Variants in CLIP1 observed in about 807,000 individuals in gnomAD.
CLIP1 encodes CAP-Gly domain containing linker protein 1.
CLIP1 carries 66 observed loss-of-function variants against 161.6 expected under a neutral mutation model. The observed-to-expected ratio is 0.41, with a 90% CI of 0.33 to 0.50. CLIP1 has a LOEUF of 0.50. Ranked by LOEUF, CLIP1 falls within the 20% of genes least tolerant of loss-of-function variation. The pLI is 0.27. For missense variants in CLIP1, 1,376 were observed against 1,702.0 expected (o/e 0.81, Z 3.37); for synonymous variants, 598 against 626.2 (o/e 0.96, Z 0.67).
intron 1 of CLIP1, among the ~76,000 whole-genome samples, chr12:122,395,010 A>G (rs1307231539): frequency 1.3e-5 from 2 of 152,216 alleles, no homozygotes; most frequent in African/African-American, 4.8e-5. Flanking sequence ...AGATGGTGAC[A>G]ACTTCTCGAT....
chr12:122,405,644 C>T (rs1359394160), intron 1 of CLIP1, among the ~76,000 whole-genome samples: 1 of 151,460 alleles, frequency 6.6e-6, no homozygotes, highest in Non-Finnish European at 1.5e-5. Context: ...AAAAATTAGC[C>T]AGGTGTGGTG....
At position 122,405,607 on chromosome 12, in the gene CLIP1, G is replaced by T. The variant is rs573938521; in HGVS notation, c.-107+16914C>A. On this transcript the variant is annotated intron_variant, in intron 1 of 25. Coordinates refer to ENST00000620786, the MANE Select transcript of CLIP1 (RefSeq NM_001247997.2). The stretch of plus-strand genomic sequence containing the variant: ...AGTTCAAGACCAGCCTGGCCAACAT[G>T]GCAAAACCCCATCTTTACTAAAATA... Among the ~76,000 whole-genome samples, 20 of 151,924 alleles carry T rather than the reference G, an allele frequency of 1.3e-4. No homozygotes were observed. In the East Asian group the frequency reaches 3.7e-3, roughly 28 times the overall value.
At chr12:122,375,351 CTG>C (rs1366843736) in intron 3 of CLIP1, among the ~76,000 whole-genome samples, 2 of 149,924 alleles carry the variant, frequency 1.3e-5, no homozygotes, top group African/African-American at 2.5e-5. Flanking sequence ...GAGTCTCACT[CTG>C]TTGCCCAGGC....
At chr12:122,387,210 A>G (rs2136917035) in intron 1 of CLIP1, among the ~76,000 whole-genome samples, 2 of 152,164 alleles carry the variant, frequency 1.3e-5, no homozygotes, top group East Asian at 3.9e-4. Context: ...TCATTACTAT[A>G]ATACAGTGGT....
chr12:122,408,371 T>C (rs1382080884), intron 1 of CLIP1, among the ~76,000 whole-genome samples: 2 of 152,088 alleles, frequency 1.3e-5, no homozygotes, highest in Non-Finnish European at 2.9e-5. Context: ...TTTTTTGAGA[T>C]GGAGTCTCAC....
chr12:122,401,997 C>CAA (rs34319226), intron 1 of CLIP1, among the ~76,000 whole-genome samples: 1 of 116,164 alleles, frequency 8.6e-6, no homozygotes, highest in Non-Finnish European at 1.9e-5. Context: ...AACTCCCGCT[C>CAA]AAAAAAAAAA....
chr12:122,389,444 T>C (rs1329491433), intron 1 of CLIP1, among the ~76,000 whole-genome samples: 1 of 152,058 alleles, frequency 6.6e-6, no homozygotes, highest in Non-Finnish European at 1.5e-5. Context: ...CAAAACTATA[T>C]GACAGACATC....
rs921668693 is a variant in CLIP1, at chr12:122,352,923, G to C, written c.1308-137C>G. The stretch of plus-strand genomic sequence containing the variant: ...AATCCCAGCAATTTGGGAGGTGGAG[G>C]CAGGAGGATCGCTTGAGGCCAGGAG... On this transcript the variant is annotated intron_variant, in intron 7 of 25. Coordinates refer to ENST00000620786, the MANE Select transcript of CLIP1 (RefSeq NM_001247997.2). The C allele has an allele frequency of 5.6e-6, 4 of 708,424 alleles. No homozygotes were observed. The Admixed American group carries it at 8.7e-5, about 15-fold the overall frequency. The allele number at this position is 708,424 out of a possible 1,614,324, so 43.9% of individuals were successfully genotyped here.
rs57202144 is a variant in CLIP1, at chr12:122,341,762, CTTTTTTTTTTTTTTT to C, written c.1507-80_1507-66del. On this transcript the variant is annotated intron_variant, in intron 10 of 25. Coordinates refer to ENST00000620786, the MANE Select transcript of CLIP1 (RefSeq NM_001247997.2). Reference sequence around the variant, plus strand: ...AACAAGTCATTGACTATTTTCTTTTCTTTTTTTTTTTTTTTTTTTTTTTTTTTTTTTTTTTTTTGA... The same window carrying C: ...AACAAGTCATTGACTATTTTCTTTTCTTTTTTTTTTTTTTTTTTTTTTTGA... The C allele has an allele frequency of 9.3e-4, 92 of 98,620 alleles. 2 individuals are homozygous for C. Among genetic ancestry groups the C allele is most frequent in the Middle Eastern group, 6.4e-3 (3 of 470 alleles). The allele number at this position is 98,620 out of a possible 1,614,324, so 6.1% of individuals were successfully genotyped here.
intron 5 of CLIP1, chr12:122,360,666 T>C (rs1953733528): frequency 3.9e-6 from 1 of 257,546 alleles, no homozygotes; most frequent in South Asian, 1.2e-4. Context: ...GAAAATAATT[T>C]GACCCCTGTG....
intron 1 of CLIP1, among the ~76,000 whole-genome samples, chr12:122,390,243 T>TATATATACAC (rs201830343): frequency 8.1e-6 from 1 of 122,812 alleles, no homozygotes; most frequent in Middle Eastern, 4.3e-3. Context: ...TACACACACA[T>TATATATACAC]ATATATACAC....
chr12:122,342,785 C>A, intron 10 of CLIP1: 1 of 145,424 alleles, frequency 6.9e-6, no homozygotes, highest in African/African-American at 2.5e-5. Flanking sequence ...GTAATTGTGC[C>A]ATTGTACTCC....
intron 3 of CLIP1, among the ~76,000 whole-genome samples, chr12:122,375,830 CAG>C (rs1954699060): frequency 7.5e-6 from 1 of 133,638 alleles, no homozygotes; most frequent in African/African-American, 2.8e-5. Flanking sequence ...TTTTTTGAAA[CAG>C]GGTCTTGCTG....
At chr12:122,307,721 G>A (rs1183458064) in intron 20 of CLIP1, among the ~76,000 whole-genome samples, 2 of 152,090 alleles carry the variant, frequency 1.3e-5, no homozygotes, top group Non-Finnish European at 2.9e-5. Flanking sequence ...TGAATTAATC[G>A]GTCTTCATTA....
rs1467540659 is a variant in CLIP1 at position 122,328,436 on chromosome 12, G to A, written c.2868-10C>T. 4 of 1,544,350 alleles carry A rather than the reference G, an allele frequency of 2.6e-6. No individual in the cohort carries two copies. The highest frequency in any genetic ancestry group is 3.5e-6 in the Non-Finnish European group (4 of 1,145,834). ...TAATTCTTCTACATCTCTAGAAAAA[G>A]TTTCAATATAAGGTGTCAGATTTTT... On this transcript the variant is annotated splice_polypyrimidine_tract_variant and intron_variant, in intron 15 of 25. Transcript: ENST00000620786.
chr12:122,351,214 T>A (rs1953022309), intron 8 of CLIP1, 71 bp from the exon 9 acceptor site: 1 of 930,172 alleles, frequency 1.1e-6, no homozygotes, highest in African/African-American at 1.7e-5. Context: ...CAATATGTGT[T>A]AGGGTTTCAA....
Position 122,278,777 on chromosome 12 carries a change from GC to G in CLIP1, c.3916+14del, listed in dbSNP as rs1443819405. The G allele has an allele frequency of 6.3e-7, 1 of 1,577,978 alleles. No individual in the cohort carries two copies. Among genetic ancestry groups the G allele is most frequent in the Non-Finnish European group, 8.6e-7 (1 of 1,163,936 alleles). ...CGCGGGGTGTACAGAGAAGCACTGGGCAGGCGCCCTTTACCTGAGGAGCTGC... is the reference window on the plus strand; with the variant it reads ...CGCGGGGTGTACAGAGAAGCACTGGGAGGCGCCCTTTACCTGAGGAGCTGC... On this transcript the variant is annotated intron_variant, in intron 23 of 25. Coordinates refer to ENST00000620786, the MANE Select transcript of CLIP1 (RefSeq NM_001247997.2).
intron 17 of CLIP1, among the ~76,000 whole-genome samples, chr12:122,324,913 CAT>C: frequency 1.3e-5 from 2 of 151,940 alleles, no homozygotes; most frequent in East Asian, 3.9e-4. Context: ...CCCAATATCA[CAT>C]ATAACTTAAA....
In CLIP1 at chr12:122,271,820, C is replaced by T. The variant is rs545870412; in HGVS notation, c.*1055G>A. The T allele has an allele frequency of 3.3e-5, 5 of 152,582 alleles. No homozygotes were observed. The highest frequency in any genetic ancestry group is 3.4e-3 in the Middle Eastern group (1 of 294). The allele number at this position is 152,582 out of a possible 1,614,324, so 9.5% of individuals were successfully genotyped here. On this transcript the variant is annotated 3_prime_UTR_variant, in exon 26 of 26. Transcript: ENST00000620786. ...GAATTATTAACGTTGAATTTCTCAT[C>T]GTACATTCATCTAAAAACAGTAAAA...
Sources: allele counts gnomAD v4.1 joint callset (sites outside exome capture counted in the v4.1 genomes callset), GRCh38; gene constraint gnomAD v4.1.1; transcripts MANE v1.5; gene names NCBI Gene and HGNC (gene_info 2026-07-23, HGNC 2026-07-21).